DNMBP: variants seen among roughly 807,000 people sequenced by gnomAD.
DNMBP encodes the protein dynamin-binding protein.
A neutral mutation model predicts 150.0 loss-of-function variants in DNMBP; 87 were observed. The observed-to-expected ratio is 0.58, with a 90% confidence interval of 0.49 to 0.69. The LOEUF is 0.69. DNMBP is among the 30% of genes least tolerant of loss of function. DNMBP has a pLI of 0.00. For missense variants in DNMBP, 1,774 were observed against 1,949.0 expected (o/e 0.91, Z 1.69); for synonymous variants, 711 against 750.4 (o/e 0.95, Z 0.86).
intron 1 of DNMBP, among the ~76,000 whole-genome samples, chr10:100,007,651 G>C (rs930985313): frequency 1.3e-5 from 2 of 152,176 alleles, no homozygotes; most frequent in East Asian, 1.9e-4. Context: ...ATACATTTTA[G>C]CTACTCTATT....
chr10:99,912,752 G>T (rs1385174942), intron 4 of DNMBP, among the ~76,000 whole-genome samples: 1 of 151,988 alleles, frequency 6.6e-6, no homozygotes, highest in Non-Finnish European at 1.5e-5. Flanking sequence ...AAACTCCTGG[G>T]GCTCTCAAGC....
rs1589458237 is a variant in DNMBP at position 100,005,786 on chromosome 10, C to CAAA, written c.-11+4049_-11+4051dup. On this transcript the variant is annotated intron_variant, in intron 1 of 16. Coordinates refer to ENST00000324109, the MANE Select transcript of DNMBP (RefSeq NM_015221.4). ...CTCCAAAAAAAAAAAAAAAAAAAAC[C>CAAA]AAACTACATAAAGGAAAATGAATTA... Among the ~76,000 whole-genome samples, 22 of 101,070 alleles carry CAAA rather than the reference C, an allele frequency of 2.2e-4. 1 individual carries two copies. The highest frequency in any genetic ancestry group is 8.2e-4 in the African/African-American group (17 of 20,660). 66.3% of individuals were successfully genotyped at this position (101,070 alleles called of 152,430 possible). A position where few individuals can be genotyped will look rare whatever the true frequency, so the allele number is the denominator to read the frequency against.
chr10:99,952,098 C>T (rs2040430387), intron 4 of DNMBP, among the ~76,000 whole-genome samples: 1 of 152,088 alleles, frequency 6.6e-6, no homozygotes, highest in South Asian at 2.1e-4. Flanking sequence ...GGGAGTCTCC[C>T]TACACAAACT....
chr10:99,970,405 T>C (rs564356520), intron 2 of DNMBP, among the ~76,000 whole-genome samples: 1 of 152,306 alleles, frequency 6.6e-6, no homozygotes, highest in South Asian at 2.1e-4. Flanking sequence ...TCTTACAGAA[T>C]TGAAGAAAGC....
rs544020673 is a variant in DNMBP, at chr10:99,882,911, CAA to C, written c.3997+1098_3997+1099del. On this transcript the variant is annotated intron_variant, in intron 15 of 16. Transcript: ENST00000324109. The stretch of plus-strand genomic sequence containing the variant: ...TGAAACCCCGTCTCTACAAAAAATA[CAA>C]ACAGTTAGCCAGGTGTGGTGGTGCG... Among the ~76,000 whole-genome samples the C allele has an allele frequency of 6.4e-3, 966 of 151,970 alleles. 7 individuals carry two copies. The highest frequency in any genetic ancestry group is 0.01 in the Non-Finnish European group (700 of 67,962).
intron 1 of DNMBP, among the ~76,000 whole-genome samples, chr10:99,990,772 T>TACACATATATAC (rs1187739895): frequency 2.0e-4 from 22 of 111,630 alleles, no homozygotes; most frequent in Middle Eastern, 4.1e-3. Context: ...TACACATATA[T>TACACATATATAC]ACACATATAT....
intron 4 of DNMBP, among the ~76,000 whole-genome samples, chr10:99,936,277 C>T (rs1038965705): frequency 6.6e-6 from 1 of 152,146 alleles, no homozygotes; most frequent in African/African-American, 2.4e-5. Flanking sequence ...TTTACCTCAA[C>T]TTCTTCTACA....
intron 2 of DNMBP, among the ~76,000 whole-genome samples, chr10:99,971,378 T>C (rs2040675564): frequency 1.3e-5 from 2 of 152,112 alleles, no homozygotes; most frequent in East Asian, 3.8e-4. Context: ...TCCTTTCTTA[T>C]TTATTTATTG....
Position 99,996,932 on chromosome 10 carries a change from GATGTT to G in DNMBP, c.-11+12901_-11+12905del, listed in dbSNP as rs368051631. Among the ~76,000 whole-genome samples, 70 of 152,316 alleles carry G rather than the reference GATGTT, an allele frequency of 4.6e-4. No individual in the cohort carries two copies. In the East Asian group the frequency reaches 0.013, roughly 29 times the overall value. ...ATTTCTTTGTGTCTACAGCAGTCCA[GATGTT>G]ATAATTATTGAACAACATCTAGACA... On this transcript the variant is annotated intron_variant, in intron 1 of 16. Transcript: ENST00000324109.
Position 99,907,994 on chromosome 10 carries a change from C to T in DNMBP, c.2554+1G>A, listed in dbSNP as rs773933192. ...TTCTGAAACAACACAGGAGCTCATA[C>T]CTACAGCATCGCTGATTTCCAGAGC... On this transcript the variant is annotated splice_donor_variant, in intron 6 of 16. Coordinates refer to ENST00000324109, the MANE Select transcript of DNMBP (RefSeq NM_015221.4). LOFTEE classifies it high-confidence loss of function. The T allele has an allele frequency of 6.8e-6, 11 of 1,612,648 alleles. No individual in the cohort carries two copies. In the Admixed American group the frequency reaches 1.5e-4, roughly 22 times the overall value.
rs754583707 is a variant in DNMBP, at chr10:99,898,198, CA to C, written c.2807del (p.Leu936CysfsTer2). ...GGTGGGATTCTGGGGTGGAATTCAG[CA>C]ACTCCATTAGCAACAGCGGGTAACG... ...VMRYPLLLME[L>X]LNSTPESHPD... On this transcript the variant is annotated frameshift_variant, in exon 9 of 17. Coordinates refer to ENST00000324109, the MANE Select transcript of DNMBP (RefSeq NM_015221.4). LOFTEE classifies it high-confidence loss of function. 6.2e-7 allele frequency: 1 copy of C among 1,613,920 alleles called. No individual in the cohort carries two copies. Among genetic ancestry groups the C allele is most frequent in the Non-Finnish European group, 8.5e-7 (1 of 1,179,866 alleles).
At chr10:99,884,912 A>AT (rs1428526564) in intron 14 of DNMBP, among the ~76,000 whole-genome samples, 3 of 152,158 alleles carry the variant, frequency 2.0e-5, no homozygotes, top group Non-Finnish European at 4.4e-5. Flanking sequence ...TCAAAAAATC[A>AT]TAATTCTCCC....
intron 4 of DNMBP, among the ~76,000 whole-genome samples, chr10:99,923,656 T>C (rs2040046952): frequency 6.6e-6 from 1 of 152,098 alleles, no homozygotes; most frequent in Admixed American, 6.6e-5. Context: ...GCGTCTAAGA[T>C]TTCAGTACTC....
chr10:99,968,624 GT>G (rs1351246145), intron 3 of DNMBP, among the ~76,000 whole-genome samples: 3 of 151,418 alleles, frequency 2.0e-5, no homozygotes, highest in African/African-American at 7.3e-5. Flanking sequence ...GGAGGCAGAG[GT>G]TGCAGTGAGC....
At chr10:99,929,118 A>C (rs1264935488) in intron 4 of DNMBP, among the ~76,000 whole-genome samples, 1 of 152,088 alleles carries the variant, frequency 6.6e-6, no homozygotes, top group Non-Finnish European at 1.5e-5. Flanking sequence ...TTCTCCAGCC[A>C]GGGGGACAGA....
intron 4 of DNMBP, among the ~76,000 whole-genome samples, chr10:99,949,107 T>A (rs1220932307): frequency 5.3e-5 from 8 of 152,208 alleles, no homozygotes. Flanking sequence ...ATCTCTGCAC[T>A]GATTCCCAGG....
chr10:99,983,337 C>T (rs909551284), intron 1 of DNMBP, among the ~76,000 whole-genome samples: 4 of 152,172 alleles, frequency 2.6e-5, no homozygotes, highest in Non-Finnish European at 5.9e-5. Context: ...AACACGAAGG[C>T]TAAATGAGTA....
intron 15 of DNMBP, 40 bp from the exon 16 acceptor site, chr10:99,880,401 A>C (rs2039348837): frequency 6.6e-7 from 1 of 1,504,360 alleles, no homozygotes; most frequent in Non-Finnish European, 8.8e-7. Context: ...AACTCTTAGC[A>C]GAAGGCTGGA....
At chr10:99,948,949 G>A (rs1487573205) in intron 4 of DNMBP, among the ~76,000 whole-genome samples, 1 of 150,144 alleles carries the variant, frequency 6.7e-6, no homozygotes, top group East Asian at 1.9e-4. Flanking sequence ...GGCAACAAGA[G>A]TGAGACTCCA....
Sources: allele counts gnomAD v4.1 joint callset (sites outside exome capture counted in the v4.1 genomes callset), GRCh38; gene constraint gnomAD v4.1.1; transcripts MANE v1.5; gene names NCBI Gene and HGNC (gene_info 2026-07-23, HGNC 2026-07-21).